The following TNS3 variants were observed in gnomAD, a reference collection of about 807,000 sequenced individuals.
The protein encoded by TNS3 is tensin-3.
In TNS3, 45 loss-of-function variants were observed where a neutral mutation model predicts 140.9. The observed-to-expected ratio is 0.32, with a 90% CI of 0.25 to 0.41. TNS3 has a LOEUF of 0.41. TNS3 is among the 10% of genes least tolerant of loss of function. The probability of loss-of-function intolerance (pLI) is 1.00; values close to 1 mark genes in which losing one functional copy is unlikely to be tolerated. For synonymous variants in TNS3, 815 were observed against 788.4 expected (o/e 1.03, Z -0.56); for missense variants, 1,716 against 1,906.7 (o/e 0.90, Z 1.86).
intron 1 of TNS3, among the ~76,000 whole-genome samples, chr7:47,530,627 C>T (rs1799356719): frequency 6.6e-6 from 1 of 151,000 alleles, no homozygotes; most frequent in African/African-American, 2.4e-5. Context: ...AGTTCCAGAC[C>T]AGCCTGGCCA....
intron 4 of TNS3, among the ~76,000 whole-genome samples, chr7:47,460,994 T>C (rs185961154): frequency 1.3e-5 from 2 of 152,302 alleles, no homozygotes; most frequent in East Asian, 3.9e-4. Flanking sequence ...GAAAATAAGT[T>C]TATTGAGCAA....
At chr7:47,356,686 A>C (rs540358130) in intron 17 of TNS3, among the ~76,000 whole-genome samples, 2 of 152,214 alleles carry the variant, frequency 1.3e-5, no homozygotes, top group Non-Finnish European at 2.9e-5. Flanking sequence ...CATTGGTTTG[A>C]CTGTAGTGAT....
intron 20 of TNS3, among the ~76,000 whole-genome samples, chr7:47,320,031 A>T (rs1787640347): frequency 6.6e-6 from 1 of 152,256 alleles, no homozygotes; most frequent in Non-Finnish European, 1.5e-5. Context: ...GTTAACAAAA[A>T]GATGTACTCT....
chr7:47,565,082 A>AT lies in TNS3; in HGVS notation c.-265+16968dup, dbSNP rs1181395225. On this transcript the variant is annotated intron_variant, in intron 1 of 30. Coordinates refer to ENST00000311160, the MANE Select transcript of TNS3 (RefSeq NM_022748.12). ...CAGAAATGTTGATTTTTTTATTTCT[A>AT]TTTTTTTTTTTTTGAGACAGAGTCT... Among the ~76,000 whole-genome samples the AT allele has an allele frequency of 1.7e-3, 229 of 138,768 alleles. 1 individual carries two copies. Among genetic ancestry groups the AT allele is most frequent in the East Asian group, 4.2e-3 (21 of 5,016 alleles). 91.0% of individuals were successfully genotyped at this position (138,768 alleles called of 152,430 possible).
At chr7:47,453,353 C>G in intron 4 of TNS3, 1 of 688,916 alleles carries the variant, frequency 1.5e-6, no homozygotes, top group Non-Finnish European at 1.8e-6. Flanking sequence ...TAGGGAGAAC[C>G]GCCTCTCAAA....
At chr7:47,581,105 G>C (rs1328696082) in intron 1 of TNS3, among the ~76,000 whole-genome samples, 2 of 151,972 alleles carry the variant, frequency 1.3e-5, no homozygotes, top group Admixed American at 1.3e-4. Context: ...ACACTGTCTG[G>C]AGAATGCCTG....
At chr7:47,384,397 C>T (rs374999876) in intron 16 of TNS3, among the ~76,000 whole-genome samples, 3 of 152,376 alleles carry the variant, frequency 2.0e-5, no homozygotes, top group African/African-American at 4.8e-5. Flanking sequence ...GCCCTGCGGG[C>T]TGCCATTGCC....
intron 1 of TNS3, among the ~76,000 whole-genome samples, chr7:47,563,000 G>A (rs1250080462): frequency 1.3e-5 from 2 of 152,242 alleles, no homozygotes; most frequent in South Asian, 4.1e-4. Context: ...CCCCAGCTCC[G>A]GGCCCAGCCT....
intron 16 of TNS3, among the ~76,000 whole-genome samples, chr7:47,382,796 CGTATTTTCAATCT>C (rs1791852144): frequency 6.6e-6 from 1 of 151,968 alleles, no homozygotes; most frequent in Non-Finnish European, 1.5e-5. Context: ...CTAAATACAC[CGTATTTTCAATCT>C]GTGTGTTGGC....
intron 1 of TNS3, among the ~76,000 whole-genome samples, chr7:47,536,786 C>G (rs1799613339): frequency 6.6e-6 from 1 of 152,214 alleles, no homozygotes; most frequent in African/African-American, 2.4e-5. Flanking sequence ...CCAGCGTACA[C>G]ATGCCTGCAC....
At chr7:47,436,637 A>T (rs562201657) in intron 7 of TNS3, among the ~76,000 whole-genome samples, 134 of 152,332 alleles carry the variant, frequency 8.8e-4, no homozygotes, top group African/African-American at 3.0e-3. Flanking sequence ...AATGAAAATT[A>T]TCATGAAAGG....
intron 4 of TNS3, among the ~76,000 whole-genome samples, chr7:47,473,912 T>C (rs1797057762): frequency 6.6e-6 from 1 of 152,206 alleles, no homozygotes; most frequent in South Asian, 2.1e-4. Flanking sequence ...ATCATCCATT[T>C]GGTCAGCATT....
intron 7 of TNS3, 93 bp from the exon 8 acceptor site, chr7:47,435,497 A>C: frequency 1.9e-6 from 3 of 1,565,166 alleles, no homozygotes; most frequent in Non-Finnish European, 2.6e-6. Context: ...AGTACATTTC[A>C]TTTGGGAGTA....
chr7:47,540,630 G>A (rs116855921), intron 1 of TNS3, among the ~76,000 whole-genome samples: 1,759 of 152,306 alleles, frequency 0.012, 11 homozygotes, highest in Middle Eastern at 0.02. Context: ...CGATCTACAC[G>A]CAGTGTTAGG....
At chr7:47,319,442 G>A (rs965906329) in intron 20 of TNS3, among the ~76,000 whole-genome samples, 1 of 151,938 alleles carries the variant, frequency 6.6e-6, no homozygotes, top group Non-Finnish European at 1.5e-5. Context: ...AGGAGGGGAG[G>A]TGCCAGGCTC....
chr7:47,481,373 C>T (rs1450153045), intron 3 of TNS3: 1 of 326,070 alleles, frequency 3.1e-6, no homozygotes, highest in African/African-American at 2.2e-5. Flanking sequence ...ATGGGGCCTC[C>T]CCTTCCAGAA....
At position 47,297,227 on chromosome 7, in the gene TNS3, G is replaced by A. The variant is rs749994001; in HGVS notation, c.3545-14C>T. On this transcript the variant is annotated splice_polypyrimidine_tract_variant and intron_variant, in intron 23 of 30. Transcript: ENST00000311160. ...ACATGGCGATGGCTGGAGAAAGGGA[G>A]GAGAAAGACAAGAAGGTCTGCCGGG... 3 of 1,604,622 alleles carry A rather than the reference G, an allele frequency of 1.9e-6. No homozygotes were observed. The highest frequency in any genetic ancestry group is 1.7e-5 in the Admixed American group (1 of 58,536).
rs144632084 is a variant in TNS3 at position 47,407,183 on chromosome 7, G to C, written c.723+4544C>G. 3.3e-5 allele frequency among the ~76,000 whole-genome samples: 5 copies of C among 152,118 alleles called. No individual in the cohort carries two copies. The highest frequency in any genetic ancestry group is 5.9e-5 in the Non-Finnish European group (4 of 68,018). ...GGGCTTTGGCAAAAGATGCACTCCC[G>C]ACTCTGATGGGAGTGCTGGCAGTGA... On this transcript the variant is annotated intron_variant, in intron 13 of 30. Coordinates refer to ENST00000311160, the MANE Select transcript of TNS3 (RefSeq NM_022748.12). The surrounding 1 kb of genome is among the most constrained non-coding windows in gnomAD (Gnocchi z 4.1).
At chr7:47,436,365 T>C (rs1433852418) in intron 7 of TNS3, among the ~76,000 whole-genome samples, 3 of 152,220 alleles carry the variant, frequency 2.0e-5, no homozygotes, top group African/African-American at 7.2e-5. Context: ...CATACATATA[T>C]GTACCACAAC....
Sources: allele counts gnomAD v4.1 joint callset (sites outside exome capture counted in the v4.1 genomes callset), GRCh38; gene constraint gnomAD v4.1.1; non-coding constraint Gnocchi (gnomAD v3.1); transcripts MANE v1.5; gene names NCBI Gene and HGNC (gene_info 2026-07-23, HGNC 2026-07-21).